The following DTNA variants were observed in gnomAD, a reference collection of about 807,000 sequenced individuals.
DTNA encodes the protein dystrophin-related protein 3.
DTNA carries 43 observed loss-of-function variants against 100.7 expected under a neutral mutation model. That is an observed-to-expected ratio of 0.43 (90% CI 0.33 to 0.55). The LOEUF is 0.55. Ranked by LOEUF, DTNA falls within the 20% of genes least tolerant of loss-of-function variation. The probability of loss-of-function intolerance (pLI) is 0.04; values close to 1 mark genes in which losing one functional copy is unlikely to be tolerated. For missense variants in DTNA, 798 were observed against 953.9 expected, an observed-to-expected ratio of 0.84 and a Z score of 2.15; for synonymous variants, 349 against 347.9, an observed-to-expected ratio of 1.00 and a Z score of -0.04.
intron 22 of DTNA, among the ~76,000 whole-genome samples, chr18:34,887,345 C>T (rs1046794008): frequency 6.6e-6 from 1 of 152,188 alleles, no homozygotes; most frequent in South Asian, 2.1e-4. Flanking sequence ...CCACATGGTA[C>T]ACCACTGTCC....
intron 17 of DTNA, chr18:34,866,783 G>T (rs1446337097): frequency 2.0e-6 from 2 of 991,892 alleles, no homozygotes; most frequent in African/African-American, 3.5e-5. Flanking sequence ...CTTACTGTTG[G>T]TTGACAGTAA....
chr18:34,631,007 A>G (rs747526611), intron 1 of DTNA, among the ~76,000 whole-genome samples: 8 of 152,162 alleles, frequency 5.3e-5, no homozygotes, highest in Non-Finnish European at 1.0e-4. Context: ...TGGCTAGGAG[A>G]CACAGAGTCA....
intron 1 of DTNA, among the ~76,000 whole-genome samples, chr18:34,694,681 C>CT (rs1010757006): frequency 1.8e-4 from 27 of 151,232 alleles, no homozygotes; most frequent in Middle Eastern, 3.2e-3. Flanking sequence ...AGGTGGCTGT[C>CT]TTTTTTTTTA....
chr18:34,740,129 C>T (rs1010383724), intron 1 of DTNA, among the ~76,000 whole-genome samples: 1 of 152,100 alleles, frequency 6.6e-6, no homozygotes, highest in African/African-American at 2.4e-5. Flanking sequence ...CTTTCGCCAC[C>T]TTTTGCTAGC....
At chr18:34,528,768 T>C (rs1601521085) in intron 1 of DTNA, among the ~76,000 whole-genome samples, 1 of 152,220 alleles carries the variant, frequency 6.6e-6, no homozygotes, top group East Asian at 1.9e-4. Context: ...AACATGAGCC[T>C]GCTTTTCCTA....
chr18:34,793,498 C>CT (rs887183462), intron 3 of DTNA, among the ~76,000 whole-genome samples: 78 of 151,754 alleles, frequency 5.1e-4, no homozygotes, highest in South Asian at 8.4e-4. Context: ...CCTTAACTTT[C>CT]TTTTTTTTTC....
rs1394548629 is a variant in DTNA, at chr18:34,667,586, T to G, written c.-1-88390T>G. Among the ~76,000 whole-genome samples, 15 of 152,270 alleles carry G rather than the reference T, an allele frequency of 9.9e-5. No individual in the cohort carries two copies. In the East Asian group the frequency reaches 1.9e-3, roughly 20 times the overall value. On this transcript the variant is annotated intron_variant, in intron 1 of 19. Coordinates refer to the DTNA transcript ENST00000283365. ...TGTCATAAATAGCTCTTATTATTTTTAGATATGTCCCATCAATACCTAATT... is the reference window on the plus strand; with the variant it reads ...TGTCATAAATAGCTCTTATTATTTTGAGATATGTCCCATCAATACCTAATT...
intron 1 of DTNA, among the ~76,000 whole-genome samples, chr18:34,592,459 A>G (rs570721367): frequency 8.1e-6 from 1 of 123,320 alleles, no homozygotes; most frequent in African/African-American, 3.2e-5. Flanking sequence ...TTAGATATAC[A>G]CTTGTATAAC....
At chr18:34,753,371 TTTTTTTTTTTTATTTTTTA>T (rs201877260) in intron 1 of DTNA, among the ~76,000 whole-genome samples, 74,271 of 99,852 alleles carry the variant, frequency 0.74, 25,795 homozygotes, top group East Asian at 0.84. Flanking sequence ...ATTTTATTTT[TTTTTTTTTTTTATTTTTTA>T]TTTTTTTTTT....
intron 1 of DTNA, among the ~76,000 whole-genome samples, chr18:34,749,135 A>G (rs1350613214): frequency 1.3e-5 from 2 of 152,178 alleles, no homozygotes; most frequent in Non-Finnish European, 2.9e-5. Flanking sequence ...TTGTTGGTGT[A>G]TATCAATGCT....
chr18:34,715,511 A>G (rs945507639), intron 1 of DTNA, among the ~76,000 whole-genome samples: 15 of 151,796 alleles, frequency 9.9e-5, no homozygotes, highest in Admixed American at 7.9e-4. Flanking sequence ...ACAATATTTT[A>G]TATCTGAAAC....
At chr18:34,669,796 G>A (rs574359187) in intron 1 of DTNA, among the ~76,000 whole-genome samples, 91 of 152,306 alleles carry the variant, frequency 6.0e-4, no homozygotes, top group African/African-American at 1.8e-3. Flanking sequence ...AGAGAGATCC[G>A]CTGTTAGTCT....
chr18:34,869,980 C>T (rs963206633), intron 17 of DTNA, among the ~76,000 whole-genome samples: 5 of 152,198 alleles, frequency 3.3e-5, no homozygotes, highest in Admixed American at 3.3e-4. Flanking sequence ...GAGATCGTGC[C>T]ACTGCACTCC....
At chr18:34,638,289 G>A (rs897040313) in intron 1 of DTNA, among the ~76,000 whole-genome samples, 3 of 152,180 alleles carry the variant, frequency 2.0e-5, no homozygotes, top group Non-Finnish European at 2.9e-5. Context: ...CTGTGCACTA[G>A]GCATTACATT....
At chr18:34,531,140 A>G (rs1008819622) in intron 1 of DTNA, among the ~76,000 whole-genome samples, 7 of 152,162 alleles carry the variant, frequency 4.6e-5, no homozygotes, top group African/African-American at 7.2e-5. Context: ...AAATGGACAC[A>G]TGAGAAACAT....
chr18:34,741,553 C>G (rs2090648507), intron 1 of DTNA, among the ~76,000 whole-genome samples: 1 of 152,096 alleles, frequency 6.6e-6, no homozygotes. Context: ...TCAATGGTAA[C>G]TTTATGTCCA....
At chr18:34,804,199 A>G (rs1044762892) in intron 4 of DTNA, among the ~76,000 whole-genome samples, 3 of 152,144 alleles carry the variant, frequency 2.0e-5, no homozygotes, top group Admixed American at 6.5e-5. Context: ...AGACCATGTT[A>G]GGAGGGGGAG....
intron 1 of DTNA, among the ~76,000 whole-genome samples, chr18:34,541,318 G>A (rs868070950): frequency 6.6e-6 from 1 of 152,040 alleles, no homozygotes; most frequent in South Asian, 2.1e-4. Flanking sequence ...GCTAGAGCAA[G>A]AATGTGATGG....
intron 1 of DTNA, among the ~76,000 whole-genome samples, chr18:34,523,871 A>G (rs2042368821): frequency 6.6e-6 from 1 of 152,146 alleles, no homozygotes; most frequent in South Asian, 2.1e-4. Flanking sequence ...TGATTTTGCT[A>G]ATTAAATCTG....
Sources: gnomAD v4.1 joint callset for allele counts (sites outside exome capture counted in the v4.1 genomes callset) on GRCh38, gnomAD v4.1.1 for gene constraint, MANE v1.5 for transcripts, NCBI Gene and HGNC (gene_info 2026-07-23, HGNC 2026-07-21) for gene names.